Variants in RBFOX1 observed in about 807,000 individuals in gnomAD.
RBFOX1 encodes the protein RNA binding fox-1 homolog 1.
Under a neutral mutation model 57.7 loss-of-function variants are expected in RBFOX1, and 8 were observed. The ratio of observed to expected loss-of-function variants is 0.14; its 90% CI spans 0.08 to 0.25. The LOEUF (loss-of-function observed/expected upper bound fraction) is 0.25. RBFOX1 is among the 10% of genes least tolerant of loss of function. The pLI is 1.00. For missense variants in RBFOX1, 611 were observed against 548.5 expected (o/e 1.11, Z -1.14); for synonymous variants, 326 against 222.4 (o/e 1.47, Z -4.15).
At chr16:7,471,258 G>A (rs1248705650) in intron 4 of RBFOX1, among the ~76,000 whole-genome samples, 1 of 152,148 alleles carries the variant, frequency 6.6e-6, no homozygotes, top group Non-Finnish European at 1.5e-5. Context: ...CACTGAGGGG[G>A]ACATTTAGCT....
At chr16:5,350,853 G>A (rs569937993) in intron 1 of RBFOX1, among the ~76,000 whole-genome samples, 3 of 147,126 alleles carry the variant, frequency 2.0e-5, no homozygotes, top group East Asian at 2.0e-4. Context: ...CAACAAAAGT[G>A]AAACTCCATC....
At chr16:6,295,658 C>G in intron 1 of RBFOX1, among the ~76,000 whole-genome samples, 1 of 152,146 alleles carries the variant, frequency 6.6e-6, no homozygotes, top group East Asian at 1.9e-4. Flanking sequence ...TCACACATGT[C>G]CAATGACTGG....
In RBFOX1 at chr16:5,967,867, CT is replaced by C. The variant is rs1245328085; in HGVS notation, c.351+100533del. On this transcript the variant is annotated intron_variant, in intron 4 of 19. Coordinates refer to the RBFOX1 transcript ENST00000641259. ...AAGCAGGGGTATTTTGCTTTGGGGA[CT>C]GGCTGTTTTGTTTTGTTTTGCTTTG... 2.6e-5 allele frequency among the ~76,000 whole-genome samples: 4 copies of C among 152,272 alleles called. No individual in the cohort carries two copies. The South Asian group carries it at 6.2e-4, about 24-fold the overall frequency.
intron 3 of RBFOX1, among the ~76,000 whole-genome samples, chr16:5,684,733 C>T (rs1038394363): frequency 7.9e-5 from 12 of 152,168 alleles, no homozygotes; most frequent in African/African-American, 2.9e-4. Flanking sequence ...TACATCACCG[C>T]CTACTGTAAT....
At chr16:5,786,675 C>T (rs1240652965) in intron 3 of RBFOX1, among the ~76,000 whole-genome samples, 2 of 152,202 alleles carry the variant, frequency 1.3e-5, no homozygotes, top group Admixed American at 1.3e-4. Context: ...ACCTGGACAT[C>T]ATCCCTGACA....
intron 1 of RBFOX1, among the ~76,000 whole-genome samples, chr16:6,043,109 T>C (rs1190073410): frequency 1.9e-5 from 2 of 104,974 alleles, no homozygotes; most frequent in South Asian, 3.3e-4. Context: ...CAGAGCAAGA[T>C]TGTGTTTCCA....
intron 1 of RBFOX1, among the ~76,000 whole-genome samples, chr16:5,309,984 A>T (rs992625570): frequency 1.3e-5 from 2 of 152,190 alleles, no homozygotes; most frequent in Non-Finnish European, 2.9e-5. Flanking sequence ...GTACACTGTG[A>T]ACTGACAGGG....
At chr16:6,627,546 C>G (rs995513898) in intron 2 of RBFOX1, among the ~76,000 whole-genome samples, 2 of 152,074 alleles carry the variant, frequency 1.3e-5, no homozygotes, top group African/African-American at 2.4e-5. Context: ...CTCTAGGTCT[C>G]AAAGGAGGAA....
chr16:5,253,814 C>T (rs1410458824), intron 1 of RBFOX1, among the ~76,000 whole-genome samples: 2 of 152,244 alleles, frequency 1.3e-5, no homozygotes, highest in Non-Finnish European at 2.9e-5. Flanking sequence ...AGGGCCTTTG[C>T]ACATCCTGCT....
intron 1 of RBFOX1, among the ~76,000 whole-genome samples, chr16:6,290,599 T>G (rs771619856): frequency 6.6e-6 from 1 of 150,932 alleles, no homozygotes; most frequent in Middle Eastern, 3.2e-3. Flanking sequence ...ATGGACAACA[T>G]AGCGGTCATC....
At chr16:5,699,074 A>G (rs2050942642) in intron 3 of RBFOX1, among the ~76,000 whole-genome samples, 1 of 145,020 alleles carries the variant, frequency 6.9e-6, no homozygotes, top group Admixed American at 7.1e-5. Flanking sequence ...TGCAACCTCC[A>G]TCTCATGGAT....
chr16:6,872,091 C>T (rs1015167707), intron 3 of RBFOX1, among the ~76,000 whole-genome samples: 5 of 152,072 alleles, frequency 3.3e-5, no homozygotes, highest in African/African-American at 1.2e-4. Flanking sequence ...CTTTTCACAG[C>T]ATAATTGTAA....
chr16:6,199,832 C>G (rs2152827434), intron 1 of RBFOX1, among the ~76,000 whole-genome samples: 1 of 152,256 alleles, frequency 6.6e-6, no homozygotes. Context: ...ACACACTGCT[C>G]TGCCAACACT....
chr16:5,904,011 T>C lies in RBFOX1; in HGVS notation c.351+36676T>C, dbSNP rs567231932. Among the ~76,000 whole-genome samples, 129 of 152,272 alleles carry C rather than the reference T, an allele frequency of 8.5e-4. 2 individuals are homozygous for C. The highest frequency in any genetic ancestry group is 7.9e-3 in the South Asian group (38 of 4,822). ...GCTAATAGAATGGAGATGAATGTAA[T>C]TGGCAGAAGGTCAGCGAGGCAGCCA... On this transcript the variant is annotated intron_variant, in intron 4 of 19. Transcript: ENST00000641259.
intron 3 of RBFOX1, among the ~76,000 whole-genome samples, chr16:5,628,003 C>G (rs1809005185): frequency 6.6e-6 from 1 of 152,140 alleles, no homozygotes; most frequent in Non-Finnish European, 1.5e-5. Context: ...TAGGTATTGT[C>G]AGGCCTCTTC....
intron 3 of RBFOX1, among the ~76,000 whole-genome samples, chr16:6,779,240 T>G (rs1156790437): frequency 2.6e-5 from 4 of 152,056 alleles, no homozygotes; most frequent in Admixed American, 1.3e-4. Flanking sequence ...TTTTTTTAGC[T>G]CCCGCATTTG....
At chr16:7,235,961 G>A (rs1469070345) in intron 4 of RBFOX1, among the ~76,000 whole-genome samples, 1 of 152,052 alleles carries the variant, frequency 6.6e-6, no homozygotes, top group Non-Finnish European at 1.5e-5. Context: ...CATTAGAAAG[G>A]GTGCATTTTC....
intron 4 of RBFOX1, among the ~76,000 whole-genome samples, chr16:6,005,217 A>AG (rs1254785022): frequency 6.6e-6 from 1 of 152,194 alleles, no homozygotes; most frequent in Non-Finnish European, 1.5e-5. Context: ...TCGTGGAAAG[A>AG]GGGGAAAAAC....
chr16:6,154,500 T>G (rs1459341773), intron 1 of RBFOX1, among the ~76,000 whole-genome samples: 1 of 152,174 alleles, frequency 6.6e-6, no homozygotes, highest in South Asian at 2.1e-4. Context: ...TCTTTTTTTC[T>G]GTAAGGTCTT....
Sources: gnomAD v4.1 joint callset for allele counts (sites outside exome capture counted in the v4.1 genomes callset) on GRCh38, gnomAD v4.1.1 for gene constraint, MANE v1.5 for transcripts, NCBI Gene and HGNC (gene_info 2026-07-23, HGNC 2026-07-21) for gene names.